INTS7: variants seen among roughly 807,000 people sequenced by gnomAD.
INTS7 encodes integrator complex subunit 7.
Under a neutral mutation model 109.2 loss-of-function variants are expected in INTS7, and 46 were observed. The observed-to-expected ratio is 0.42, with a 90% CI of 0.33 to 0.54. The LOEUF (loss-of-function observed/expected upper bound fraction) is 0.54. INTS7 is among the 20% of genes least tolerant of loss of function. INTS7 has a pLI of 0.07. For synonymous variants in INTS7, 412 were observed against 402.9 expected (o/e 1.02, Z -0.27); for missense variants, 929 against 1,132.4 (o/e 0.82, Z 2.58).
In INTS7 at chr1:211,941,040, TAG is replaced by T. The variant is rs1209273329; in HGVS notation, c.*782_*783del. On this transcript the variant is annotated 3_prime_UTR_variant, in exon 20 of 20. Transcript: ENST00000366994. ...ATACAGCAGGATGTTTCAATACTGT[TAG>T]ACTGTGGGCTTTCATAATCCAGAAG... 1.3e-5 allele frequency: 2 copies of T among 152,386 alleles called. No homozygotes were observed. Among genetic ancestry groups the T allele is most frequent in the East Asian group, 3.8e-4 (2 of 5,196 alleles). 9.4% of individuals were successfully genotyped at this position (152,386 alleles called of 1,614,324 possible). A position where few individuals can be genotyped will look rare whatever the true frequency, so the allele number is the denominator to read the frequency against.
Position 211,971,644 on chromosome 1 carries a change from T to C in INTS7, c.1816-2937A>G, listed in dbSNP as rs148541412. Among the ~76,000 whole-genome samples the C allele has an allele frequency of 8.5e-5, 13 of 152,196 alleles. No homozygotes were observed. In the East Asian group the frequency reaches 1.9e-3, roughly 23 times the overall value. ...GAAATTACAAAGAAAGGGCCGGGCA[T>C]TGGGCTCACGCCTATAATGCCAGCA... On this transcript the variant is annotated intron_variant, in intron 13 of 19. Coordinates refer to ENST00000366994, the MANE Select transcript of INTS7 (RefSeq NM_015434.4).
intron 16 of INTS7, among the ~76,000 whole-genome samples, chr1:211,960,272 G>A (rs964122242): frequency 1.3e-5 from 2 of 151,710 alleles, no homozygotes; most frequent in Non-Finnish European, 2.9e-5. Flanking sequence ...AAACTCTCAA[G>A]GTCATCAAAT....
intron 15 of INTS7, among the ~76,000 whole-genome samples, chr1:211,966,990 A>T (rs940396215): frequency 6.6e-6 from 1 of 152,208 alleles, no homozygotes; most frequent in Non-Finnish European, 1.5e-5. Context: ...GTCTCTGTAT[A>T]TATGCATTTT....
chr1:211,981,804 T>C (rs2102428366), intron 9 of INTS7, among the ~76,000 whole-genome samples: 1 of 152,338 alleles, frequency 6.6e-6, no homozygotes, highest in South Asian at 2.1e-4. Context: ...TTTAGGTTAA[T>C]ATATTTCAGT....
chr1:211,982,820 C>A lies in INTS7; in HGVS notation c.998-10G>T, dbSNP rs898077149. On this transcript the variant is annotated splice_polypyrimidine_tract_variant and intron_variant, in intron 8 of 19. Transcript: ENST00000366994. ...GAAGAACTCACATTTCCTAAAAAAGCAGAGAAAAGTAGTAGAAATTGTAAT... is the reference window on the plus strand; with the variant it reads ...GAAGAACTCACATTTCCTAAAAAAGAAGAGAAAAGTAGTAGAAATTGTAAT... 13 of 1,595,938 alleles carry A rather than the reference C, an allele frequency of 8.1e-6. No individual in the cohort carries two copies. In the African/African-American group the frequency reaches 1.5e-4, roughly 18 times the overall value.
At chr1:212,014,951 G>A (rs1200515128) in intron 4 of INTS7, among the ~76,000 whole-genome samples, 4 of 152,206 alleles carry the variant, frequency 2.6e-5, no homozygotes, top group South Asian at 2.1e-4. Context: ...GTGCCCGGCC[G>A]CCACCCCGTC....
At chr1:212,002,908 T>C (rs1270080723) in intron 7 of INTS7, among the ~76,000 whole-genome samples, 1 of 152,008 alleles carries the variant, frequency 6.6e-6, no homozygotes, top group African/African-American at 2.4e-5. Flanking sequence ...CAATCAGGTA[T>C]ACAAGGAAAA....
At chr1:211,992,657 T>C (rs1665195179) in intron 7 of INTS7, among the ~76,000 whole-genome samples, 1 of 152,108 alleles carries the variant, frequency 6.6e-6, no homozygotes, top group Non-Finnish European at 1.5e-5. Context: ...CACTCCAGCT[T>C]GGGCAACAGG....
intron 16 of INTS7, among the ~76,000 whole-genome samples, chr1:211,964,310 G>A (rs558247077): frequency 5.3e-5 from 8 of 152,106 alleles, no homozygotes; most frequent in South Asian, 4.2e-4. Context: ...ACTGCTCAAC[G>A]AAATCAAAGA....
intron 8 of INTS7, among the ~76,000 whole-genome samples, chr1:211,983,702 T>C (rs1182051764): frequency 1.3e-5 from 2 of 152,194 alleles, no homozygotes; most frequent in African/African-American, 4.8e-5. Context: ...TTTTTGAGGC[T>C]GAAAGAGACG....
At chr1:211,954,561 A>C (rs1483381964) in intron 16 of INTS7, among the ~76,000 whole-genome samples, 1 of 152,174 alleles carries the variant, frequency 6.6e-6, no homozygotes, top group Non-Finnish European at 1.5e-5. Flanking sequence ...TCCATCTTGA[A>C]TTAATTTTTG....
intron 1 of INTS7, among the ~76,000 whole-genome samples, chr1:212,032,441 T>C (rs1290672176): frequency 6.6e-6 from 1 of 152,130 alleles, no homozygotes; most frequent in African/African-American, 2.4e-5. Context: ...GTCCTTTTGA[T>C]GGCTTGCACG....
chr1:212,002,921 G>C (rs1224652578), intron 7 of INTS7, among the ~76,000 whole-genome samples: 1 of 152,018 alleles, frequency 6.6e-6, no homozygotes, highest in South Asian at 2.1e-4. Context: ...AAGGAAAAAG[G>C]GTATAGAAAT....
chr1:212,020,200 A>G lies in INTS7; in HGVS notation c.293T>C (p.Leu98Pro). Residue 98 changes from leucine (L) to proline (P), a missense_variant, in exon 3 of 20, where the codon CTA becomes CCA. Leu to Pro is a moderately conservative substitution (Grantham distance 98, BLOSUM62 -3). Around this residue, in one of 2 missense-constraint regions of INTS7, gnomAD observed 142 missense variants for 231.4 expected, o/e 0.61. Transcript: ENST00000366994. ...TCTCTTCACAAATTCATCCACATTTAGAATCTTCTCCAAATGTTTCTCACT... is the reference window on the plus strand; with the variant it reads ...TCTCTTCACAAATTCATCCACATTTGGAATCTTCTCCAAATGTTTCTCACT... ...QQSEKHLEKI[L>P]NVDEFVKRIF... is the part of the protein sequence containing the mutation. 1 of 1,602,556 alleles carries G rather than the reference A, an allele frequency of 6.2e-7. No homozygotes were observed. Among genetic ancestry groups the G allele is most frequent in the Non-Finnish European group, 8.5e-7 (1 of 1,170,278 alleles).
chr1:211,984,856 G>A (rs1022453633), intron 8 of INTS7, among the ~76,000 whole-genome samples: 6 of 151,842 alleles, frequency 4.0e-5, no homozygotes, highest in East Asian at 1.9e-4. Context: ...AGACTGCTCC[G>A]TGCCATATTT....
intron 4 of INTS7, among the ~76,000 whole-genome samples, chr1:212,014,109 T>C (rs1416325568): frequency 6.6e-6 from 1 of 152,194 alleles, no homozygotes; most frequent in Non-Finnish European, 1.5e-5. Flanking sequence ...AATTAAAAAT[T>C]ATATGCTTTC....
At chr1:212,003,305 CAAAAAAA>C (rs35903155) in intron 7 of INTS7, among the ~76,000 whole-genome samples, 10 of 61,894 alleles carry the variant, frequency 1.6e-4, no homozygotes, top group East Asian at 6.5e-4. Flanking sequence ...AATTTTAAAG[CAAAAAAA>C]AAAAAAAAAA....
chr1:211,990,551 T>C (rs1029624042), intron 7 of INTS7, among the ~76,000 whole-genome samples: 1 of 152,186 alleles, frequency 6.6e-6, no homozygotes. Flanking sequence ...TTTTGTCATA[T>C]ACATGAATAC....
In INTS7 at chr1:211,944,667, A is replaced by C. The variant is rs973697713; in HGVS notation, c.2601+117T>G. On this transcript the variant is annotated intron_variant, in intron 19 of 19. Transcript: ENST00000366994. ...CAATGTGGGCTTTTAATTTATGTCC[A>C]TCTGATCCCTTTGGAGGTATAACTG... 2.0e-5 allele frequency: 16 copies of C among 805,760 alleles called. No individual in the cohort carries two copies. In the East Asian group the frequency reaches 3.8e-4, roughly 19 times the overall value. 49.9% of individuals were successfully genotyped at this position (805,760 alleles called of 1,614,324 possible). A position where few individuals can be genotyped will look rare whatever the true frequency, so the allele number is the denominator to read the frequency against.
Sources: gnomAD v4.1 joint callset for allele counts (sites outside exome capture counted in the v4.1 genomes callset) on GRCh38, gnomAD v4.1.1 for gene constraint, gnomAD v4.1.1 regional missense constraint, MANE v1.5 for transcripts, NCBI Gene and HGNC (gene_info 2026-07-23, HGNC 2026-07-21) for gene names.